SLC4A4: variants seen among roughly 807,000 people sequenced by gnomAD.
SLC4A4 encodes the protein electrogenic sodium bicarbonate cotransporter 1.
A neutral mutation model predicts 111.5 loss-of-function variants in SLC4A4; 27 were observed. The observed-to-expected ratio is 0.24, with a 90% CI of 0.18 to 0.33. The LOEUF is 0.33. SLC4A4 is among the 10% of genes least tolerant of loss of function. The pLI is 1.00. For synonymous variants in SLC4A4, 443 were observed against 463.4 expected, an observed-to-expected ratio of 0.96 and a Z score of 0.57; for missense variants, 909 against 1,315.5, an observed-to-expected ratio of 0.69 and a Z score of 4.78.
At chr4:71,307,380 A>G (rs1223486675) in intron 3 of SLC4A4, among the ~76,000 whole-genome samples, 2 of 152,202 alleles carry the variant, frequency 1.3e-5, no homozygotes, top group East Asian at 1.9e-4. Context: ...TGAATCGCTG[A>G]TGAGACCTGG....
chr4:71,121,918 A>G (rs1180665743), intron 2 of SLC4A4, among the ~76,000 whole-genome samples: 6 of 152,116 alleles, frequency 3.9e-5, no homozygotes, highest in African/African-American at 1.4e-4. Context: ...AAGACCAGGA[A>G]CCCACTGGGA....
At chr4:71,089,108 T>C (rs570943308) in intron 1 of SLC4A4, among the ~76,000 whole-genome samples, 1 of 152,176 alleles carries the variant, frequency 6.6e-6, no homozygotes, top group South Asian at 2.1e-4. Flanking sequence ...CATTTCCTTT[T>C]ATTCTTTTTT....
At chr4:71,089,224 T>TGCCA (rs1742298537) in intron 1 of SLC4A4, among the ~76,000 whole-genome samples, 1 of 152,038 alleles carries the variant, frequency 6.6e-6, no homozygotes, top group African/African-American at 2.4e-5. Context: ...TCACATAGTT[T>TGCCA]TGTGCCATGG....
chr4:71,427,161 A>G (rs1723218935), intron 7 of SLC4A4, among the ~76,000 whole-genome samples: 1 of 152,084 alleles, frequency 6.6e-6, no homozygotes, highest in Admixed American at 6.6e-5. Context: ...TTTTAAATTC[A>G]TTAATCTCTA....
At chr4:71,425,589 C>T (rs1723050973) in intron 7 of SLC4A4, among the ~76,000 whole-genome samples, 1 of 152,090 alleles carries the variant, frequency 6.6e-6, no homozygotes, top group Non-Finnish European at 1.5e-5. Flanking sequence ...TGGTCGGCTA[C>T]AGCTTGGTTT....
intron 1 of SLC4A4, among the ~76,000 whole-genome samples, chr4:71,077,043 AATACAT>A (rs972187200): frequency 1.3e-5 from 2 of 148,810 alleles, no homozygotes; most frequent in Non-Finnish European, 3.0e-5. Flanking sequence ...TATATGTAAA[AATACAT>A]ATACATATAC....
chr4:71,513,396 G>A (rs2149178592), intron 16 of SLC4A4, among the ~76,000 whole-genome samples: 1 of 151,928 alleles, frequency 6.6e-6, no homozygotes, highest in Non-Finnish European at 1.5e-5. Context: ...TGTATCTCTT[G>A]TAAATGCAAT....
At chr4:71,550,335 A>G (rs895728601) in intron 20 of SLC4A4, among the ~76,000 whole-genome samples, 11 of 151,956 alleles carry the variant, frequency 7.2e-5, no homozygotes, top group Non-Finnish European at 1.5e-4. Context: ...CTTTCAGATT[A>G]TGTACCATTG....
Position 71,149,707 on chromosome 4 carries a change from T to G in SLC4A4, c.-2+56915T>G, listed in dbSNP as rs558269336. ...GGAGGGCCATGTTTTCCTTTTACCT[T>G]CTGAGGCTTTACTTGAAACCAGTTT... On this transcript the variant is annotated intron_variant, in intron 2 of 26. Coordinates refer to the SLC4A4 transcript ENST00000649996. Among the ~76,000 whole-genome samples, 7 of 152,344 alleles carry G rather than the reference T, an allele frequency of 4.6e-5. No homozygotes were observed. The South Asian group carries it at 1.4e-3, about 32-fold the overall frequency.
chr4:71,512,738 G>T (rs1037678932), intron 16 of SLC4A4, among the ~76,000 whole-genome samples: 9 of 151,978 alleles, frequency 5.9e-5, no homozygotes, highest in Admixed American at 2.6e-4. Flanking sequence ...TTTTCCCTCG[G>T]TTTTCTTCCA....
At chr4:71,204,326 G>A (rs1717614471) in intron 1 of SLC4A4, among the ~76,000 whole-genome samples, 1 of 152,078 alleles carries the variant, frequency 6.6e-6, no homozygotes, top group Non-Finnish European at 1.5e-5. Flanking sequence ...ATGTCTTTCT[G>A]TTTACCAGGA....
At chr4:71,534,173 A>G (rs1042659678) in intron 17 of SLC4A4, 54 bp from the exon 18 acceptor site, 1 of 1,546,718 alleles carries the variant, frequency 6.5e-7, no homozygotes, top group Non-Finnish European at 8.9e-7. Context: ...TTTTCACCAA[A>G]TAGTATATAT....
chr4:71,270,498 T>C (rs1174527151), intron 3 of SLC4A4, among the ~76,000 whole-genome samples: 1 of 152,192 alleles, frequency 6.6e-6, no homozygotes, highest in Non-Finnish European at 1.5e-5. Context: ...AAGTTGTTAG[T>C]GAAGGGGATG....
intron 5 of SLC4A4, among the ~76,000 whole-genome samples, chr4:71,351,342 AC>A (rs1452281784): frequency 1.3e-5 from 2 of 152,166 alleles, no homozygotes; most frequent in Non-Finnish European, 2.9e-5. Flanking sequence ...TTCTCTTCTT[AC>A]AGATGATTTA....
intron 15 of SLC4A4, among the ~76,000 whole-genome samples, chr4:71,492,059 AT>A (rs1262379422): frequency 6.6e-6 from 1 of 151,780 alleles, no homozygotes; most frequent in African/African-American, 2.4e-5. Flanking sequence ...GGGAAATGGA[AT>A]GTCGTATTAA....
chr4:71,434,448 C>G (rs1206746426), intron 7 of SLC4A4: 3 of 198,900 alleles, frequency 1.5e-5, no homozygotes, highest in African/African-American at 7.0e-5. Context: ...TCTTTCAGCA[C>G]TCTCTTTCAA....
chr4:71,557,888 A>G lies in SLC4A4; in HGVS notation c.2937+3A>G, dbSNP rs751589940. 6.2e-7 allele frequency: 1 copy of G among 1,610,176 alleles called. No homozygotes were observed. The highest frequency in any genetic ancestry group is 1.1e-5 in the South Asian group (1 of 91,024). ...CTGCTATCATTTTTCCAGTAATGGT[A>G]GGGATTCCTTTAATTGAACGTACCT... On this transcript the variant is annotated splice_donor_region_variant and intron_variant, in intron 22 of 25. Coordinates refer to ENST00000264485, the MANE Select transcript of SLC4A4 (RefSeq NM_001098484.3).
At chr4:71,167,777 C>A (rs1050199149) in intron 2 of SLC4A4, among the ~76,000 whole-genome samples, 1 of 152,082 alleles carries the variant, frequency 6.6e-6, no homozygotes, top group African/African-American at 2.4e-5. Flanking sequence ...AAAATGGCAC[C>A]ATTTCCAAAA....
At chr4:71,137,300 A>G (rs1743872378) in intron 2 of SLC4A4, among the ~76,000 whole-genome samples, 1 of 152,068 alleles carries the variant, frequency 6.6e-6, no homozygotes. Flanking sequence ...CCCCACACCA[A>G]AGTTCCTCAA....
Sources: allele counts gnomAD v4.1 joint callset (sites outside exome capture counted in the v4.1 genomes callset), GRCh38; gene constraint gnomAD v4.1.1; transcripts MANE v1.5; gene names NCBI Gene and HGNC (gene_info 2026-07-23, HGNC 2026-07-21).